INSL6: variants seen among roughly 807,000 people sequenced by gnomAD.
INSL6 encodes the protein insulin-like peptide INSL6.
Under a neutral mutation model 9.4 loss-of-function variants are expected in INSL6, and 16 were observed. That is an observed-to-expected ratio of 1.70 (90% confidence interval 1.15 to 2.59). The LOEUF (loss-of-function observed/expected upper bound fraction) is 2.59. INSL6 is among the 30% of genes most tolerant of loss of function. The pLI, the probability that INSL6 is intolerant of heterozygous loss-of-function variation, is 0.00. For synonymous variants in INSL6, 154 were observed against 96.9 expected, an observed-to-expected ratio of 1.59 and a Z score of -3.46; for missense variants, 391 against 257.3, an observed-to-expected ratio of 1.52 and a Z score of -3.56.
At chr9:5,127,537 G>A (rs757264322) in intron 3 of INSL6, 1 of 230,914 alleles carries the variant, frequency 4.3e-6, no homozygotes, top group Non-Finnish European at 8.6e-6. Flanking sequence ...GGTTTCCCTT[G>A]TATCTATTTG....
downstream of INSL6, among the ~76,000 whole-genome samples, chr9:5,121,654 TTTTTAAAA>T (rs1823622829): frequency 6.6e-6 from 1 of 152,114 alleles, no homozygotes; most frequent in African/African-American, 2.4e-5. Context: ...AAGCAAGAGA[TTTTTAAAA>T]GATTTACATA....
At chr9:5,116,570 G>A in the INSL6 span, among the ~76,000 whole-genome samples, 1 of 152,108 alleles carries the variant, frequency 6.6e-6, no homozygotes, top group South Asian at 2.1e-4. Flanking sequence ...AATAAAATTA[G>A]CTGGCAATCA....
the INSL6 span, among the ~76,000 whole-genome samples, chr9:4,993,402 C>G: frequency 6.6e-6 from 1 of 152,126 alleles, no homozygotes. Flanking sequence ...CCTTGAAATT[C>G]TACTCAAAAA....
At chr9:5,069,312 G>C in the INSL6 span, 2 of 695,730 alleles carry the variant, frequency 2.9e-6, no homozygotes, top group Admixed American at 3.2e-5. Context: ...GAAAGAAGCA[G>C]CTCTAAAAGT....
At chr9:5,094,929 C>A in the INSL6 span, 1 of 152,128 alleles carries the variant, frequency 6.6e-6, no homozygotes, top group Admixed American at 6.6e-5. Flanking sequence ...ACTCATATAC[C>A]TTTTATGAAA....
chr9:5,010,425 A>T, the INSL6 span, among the ~76,000 whole-genome samples: 4 of 151,850 alleles, frequency 2.6e-5, no homozygotes, highest in African/African-American at 7.3e-5. Context: ...GGTTCAAGCA[A>T]TTCTCCTGCC....
At chr9:5,085,363 G>T in the INSL6 span, 1 of 905,512 alleles carries the variant, frequency 1.1e-6, no homozygotes, top group Non-Finnish European at 1.8e-6. Flanking sequence ...GTACTGATAG[G>T]TGATCTCATG....
chr9:5,112,903 C>G, the INSL6 span: 1 of 314,860 alleles, frequency 3.2e-6, no homozygotes, highest in South Asian at 1.0e-4. Flanking sequence ...GGGCTGGGCC[C>G]AGAACGCCCA....
At chr9:5,017,747 G>A in the INSL6 span, among the ~76,000 whole-genome samples, 1 of 152,180 alleles carries the variant, frequency 6.6e-6, no homozygotes, top group Non-Finnish European at 1.5e-5. Context: ...ATATCCAGTT[G>A]CAGATGAACT....
At chr9:5,162,897 G>C (rs1338670235), downstream of INSL6, among the ~76,000 whole-genome samples, 1 of 152,132 alleles carries the variant, frequency 6.6e-6, no homozygotes, top group Non-Finnish European at 1.5e-5. Flanking sequence ...GTACGAAGTA[G>C]GAATTCCATT....
intron 3 of INSL6, chr9:5,128,267 T>A (rs1824135027): frequency 4.4e-6 from 1 of 229,244 alleles, no homozygotes; most frequent in South Asian, 1.8e-4. Flanking sequence ...GGAAGAAATG[T>A]TTTTTACATT....
the INSL6 span, among the ~76,000 whole-genome samples, chr9:5,102,006 T>C: frequency 5.1e-4 from 77 of 152,190 alleles, no homozygotes; most frequent in Admixed American, 9.2e-4. Flanking sequence ...CTCCAAAGGA[T>C]TGCAGCTCCT....
intron 3 of INSL6, among the ~76,000 whole-genome samples, chr9:5,125,192 G>A (rs544861538): frequency 6.6e-6 from 1 of 150,922 alleles, no homozygotes; most frequent in African/African-American, 2.4e-5. Flanking sequence ...GCTTCATTTT[G>A]TGTATAAAAG....
At chr9:5,057,547 T>C in the INSL6 span, among the ~76,000 whole-genome samples, 10 of 150,050 alleles carry the variant, frequency 6.7e-5, no homozygotes, top group Non-Finnish European at 1.5e-4. Flanking sequence ...CATTTCCCCC[T>C]CTTCCCAATC....
the INSL6 span, chr9:5,065,010 A>G: frequency 6.2e-7 from 1 of 1,605,048 alleles, no homozygotes. Flanking sequence ...GTGCTTGAAA[A>G]TATACAAAGC....
intron 2 of INSL6, among the ~76,000 whole-genome samples, chr9:5,144,549 C>T (rs183840012): frequency 3.8e-4 from 58 of 152,268 alleles, no homozygotes; most frequent in Non-Finnish European, 1.5e-5. Context: ...TGTTAATTTT[C>T]TGTCTTGATG....
the INSL6 span, chr9:5,064,973 C>G: frequency 3.3e-5 from 53 of 1,608,808 alleles, no homozygotes; most frequent in African/African-American, 6.9e-4. Flanking sequence ...ACATCATTAC[C>G]TCTGTAAAGA....
rs147467513 is a variant in INSL6, at chr9:5,153,168, C to T, written c.376+11011G>A. 9.9e-5 allele frequency among the ~76,000 whole-genome samples: 15 copies of T among 151,678 alleles called. No individual in the cohort carries two copies. The East Asian group carries it at 2.9e-3, about 29-fold the overall frequency. On this transcript the variant is annotated intron_variant, in intron 2 of 3. Coordinates refer to the INSL6 transcript ENST00000649639. ...TTTTTTTTTTTTCATACCCCAGTGG[C>T]GCCTGGAATGTCAGTGAGACAGAAC...
the INSL6 span, among the ~76,000 whole-genome samples, chr9:5,058,894 T>C: frequency 6.6e-6 from 1 of 152,236 alleles, no homozygotes; most frequent in Non-Finnish European, 1.5e-5. Context: ...TTTTTTTTGC[T>C]GAATTATAGA....
Sources: allele counts gnomAD v4.1 joint callset (sites outside exome capture counted in the v4.1 genomes callset), GRCh38; gene constraint gnomAD v4.1.1; transcripts MANE v1.5; gene names NCBI Gene and HGNC (gene_info 2026-07-23, HGNC 2026-07-21).